Variants in PLXNA2 observed in about 807,000 individuals in gnomAD.
PLXNA2 encodes the protein plexin A2, also known as plexin-A2.
A neutral mutation model predicts 193.5 loss-of-function variants in PLXNA2; 91 were observed. The ratio of observed to expected loss-of-function variants is 0.47; its 90% CI spans 0.40 to 0.56. The LOEUF is 0.56. Ranked by LOEUF, PLXNA2 falls within the 20% of genes least tolerant of loss-of-function variation. PLXNA2 has a pLI of 0.00. For missense variants in PLXNA2, 1,995 were observed against 2,503.2 expected (o/e 0.80, Z 4.33); for synonymous variants, 997 against 1,027.3 (o/e 0.97, Z 0.56).
intron 7 of PLXNA2, 148 bp from the exon 8 acceptor site, chr1:208,096,273 C>G: frequency 1.5e-6 from 1 of 661,864 alleles, no homozygotes; most frequent in South Asian, 1.8e-5. Context: ...ATCGTCTCTT[C>G]TCCTCCCAAG....
chr1:208,088,021 T>C (rs1379945670), intron 9 of PLXNA2, among the ~76,000 whole-genome samples: 1 of 152,174 alleles, frequency 6.6e-6, no homozygotes, highest in East Asian at 1.9e-4. Context: ...AAGACTGTTG[T>C]TCACATTCTT....
chr1:208,110,100 G>A (rs1016691180), intron 4 of PLXNA2, among the ~76,000 whole-genome samples: 4 of 152,160 alleles, frequency 2.6e-5, no homozygotes, highest in Admixed American at 6.5e-5. Context: ...GAGAAATGTG[G>A]GCCAATGTTT....
intron 5 of PLXNA2, among the ~76,000 whole-genome samples, chr1:208,100,665 T>A (rs974573004): frequency 1.3e-5 from 2 of 152,228 alleles, no homozygotes; most frequent in African/African-American, 4.8e-5. Context: ...ACCTGTCACA[T>A]GGTATATTTT....
rs530562060 is a variant in PLXNA2, at chr1:208,028,659, C to T, written c.5438+171G>A. Among the ~76,000 whole-genome samples, 2 of 152,344 alleles carry T rather than the reference C, an allele frequency of 1.3e-5. No homozygotes were observed. The highest frequency in any genetic ancestry group is 1.9e-4 in the East Asian group (1 of 5,188). On this transcript the variant is annotated intron_variant, in intron 30 of 31. Transcript: ENST00000367033. The surrounding 1 kb of genome is among the most constrained non-coding windows in gnomAD (Gnocchi z 4.2). ...TAGGATGATAATCATCTGACTTCCACGGGCACAAAGCCACCCTTCCTCCCG... is the reference window on the plus strand; with the variant it reads ...TAGGATGATAATCATCTGACTTCCATGGGCACAAAGCCACCCTTCCTCCCG...
At chr1:208,113,198 A>G (rs1422574020) in intron 4 of PLXNA2, among the ~76,000 whole-genome samples, 2 of 152,122 alleles carry the variant, frequency 1.3e-5, no homozygotes, top group Non-Finnish European at 1.5e-5. Flanking sequence ...AGGTCCTACA[A>G]AGCTCCTTAT....
intron 12 of PLXNA2, among the ~76,000 whole-genome samples, chr1:208,068,365 T>G (rs1447259466): frequency 6.6e-6 from 1 of 152,196 alleles, no homozygotes; most frequent in African/African-American, 2.4e-5. Flanking sequence ...CAATCTCCCT[T>G]GCTTTAATTT....
intron 2 of PLXNA2, among the ~76,000 whole-genome samples, chr1:208,212,121 G>A (rs758190874): frequency 3.3e-5 from 5 of 152,158 alleles, no homozygotes; most frequent in East Asian, 3.9e-4. Flanking sequence ...AATGGCTATC[G>A]TAGAAATCAT....
intron 23 of PLXNA2, 105 bp downstream of exon 23, chr1:208,039,887 T>G: frequency 6.3e-7 from 1 of 1,581,588 alleles, no homozygotes; most frequent in Non-Finnish European, 8.7e-7. Context: ...CAGTCCAGGT[T>G]CCTGCTCCCG....
In PLXNA2 at chr1:208,022,933, T is replaced by C. The variant is rs1002604665; in HGVS notation, c.*4310A>G. The C allele has an allele frequency of 3.3e-5, 5 of 152,158 alleles. No homozygotes were observed. Among genetic ancestry groups the C allele is most frequent in the African/African-American group, 1.2e-4 (5 of 41,444 alleles). 9.4% of individuals were successfully genotyped at this position (152,158 alleles called of 1,614,324 possible). A position where few individuals can be genotyped will look rare whatever the true frequency, so the allele number is the denominator to read the frequency against. ...TGGCTGTGATCGTGTCTCAGGACTT[T>C]CCCTAGCACTAGTTAGAAAATACCA... On this transcript the variant is annotated 3_prime_UTR_variant, in exon 32 of 32. Transcript: ENST00000367033.
intron 9 of PLXNA2, among the ~76,000 whole-genome samples, chr1:208,086,125 G>A (rs897835462): frequency 1.3e-5 from 2 of 152,136 alleles, no homozygotes; most frequent in Admixed American, 1.3e-4. Flanking sequence ...TTGACACACA[G>A]AATTACAATT....
At chr1:208,224,366 T>A (rs1382785920) in intron 1 of PLXNA2, among the ~76,000 whole-genome samples, 1 of 38,786 alleles carries the variant, frequency 2.6e-5, no homozygotes, top group Non-Finnish European at 4.9e-5. Flanking sequence ...GGTGAGGGGG[T>A]GGGGAGCAGG....
At position 208,189,633 on chromosome 1, in the gene PLXNA2, T is replaced by C. The variant is rs556239243; in HGVS notation, c.1371+20647A>G. On this transcript the variant is annotated intron_variant, in intron 3 of 31. Transcript: ENST00000367033. ...ATGAACACAACTGACCTCACTTAAC[T>C]TTTGGAGCAACGCTGCAAGGTAGGT... 2.6e-5 allele frequency among the ~76,000 whole-genome samples: 4 copies of C among 152,296 alleles called. No homozygotes were observed. In the South Asian group the frequency reaches 8.3e-4, roughly 32 times the overall value.
At chr1:208,175,297 T>G (rs989846286) in intron 3 of PLXNA2, among the ~76,000 whole-genome samples, 2 of 152,176 alleles carry the variant, frequency 1.3e-5, no homozygotes, top group African/African-American at 2.4e-5. Context: ...ACATTCCAAC[T>G]GGGTCCACTC....
rs1363073822 is a variant in PLXNA2, at chr1:208,142,503, G to A, written c.1372-40C>T. The A allele has an allele frequency of 2.6e-6, 4 of 1,546,964 alleles. No individual in the cohort carries two copies. The East Asian group carries it at 6.9e-5, about 27-fold the overall frequency. On this transcript the variant is annotated intron_variant, in intron 3 of 31. Coordinates refer to ENST00000367033, the MANE Select transcript of PLXNA2 (RefSeq NM_025179.4). ...AGGGTGTCCTCAGCATCTGCCCTCA[G>A]TATTCCCCTGTGGGCTACCTGCCTC... is the stretch of plus-strand genomic sequence containing the variant.
chr1:208,028,664 A>G lies in PLXNA2; in HGVS notation c.5438+166T>C, dbSNP rs1664410707. Among the ~76,000 whole-genome samples the G allele has an allele frequency of 6.6e-6, 1 of 152,234 alleles. No homozygotes were observed. Among genetic ancestry groups the G allele is most frequent in the African/African-American group, 2.4e-5 (1 of 41,462 alleles). ...TGATAATCATCTGACTTCCACGGGC[A>G]CAAAGCCACCCTTCCTCCCGCAGCA... On this transcript the variant is annotated intron_variant, in intron 30 of 31. Coordinates refer to ENST00000367033, the MANE Select transcript of PLXNA2 (RefSeq NM_025179.4). The surrounding 1 kb of genome is among the most constrained non-coding windows in gnomAD (Gnocchi z 4.2).
rs1053220145 is a variant in PLXNA2, at chr1:208,038,637, A to C, written c.4661-163T>G. ...CTAGGGCTCCATGGGCCCAGGCAGCAGAGGAAACACGTAGACCTCCCCAGA... is the reference window on the plus strand; with the variant it reads ...CTAGGGCTCCATGGGCCCAGGCAGCCGAGGAAACACGTAGACCTCCCCAGA... On this transcript the variant is annotated intron_variant, in intron 25 of 31. Coordinates refer to ENST00000367033, the MANE Select transcript of PLXNA2 (RefSeq NM_025179.4). This position sits in a 1 kb window ranked among gnomAD's most constrained non-coding sequence, Gnocchi z 4.1. Among the ~76,000 whole-genome samples the C allele has an allele frequency of 6.6e-6, 1 of 152,232 alleles. No individual in the cohort carries two copies. Among genetic ancestry groups the C allele is most frequent in the African/African-American group, 2.4e-5 (1 of 41,468 alleles).
chr1:208,233,919 G>A (rs1394525596), intron 1 of PLXNA2, among the ~76,000 whole-genome samples: 1 of 152,188 alleles, frequency 6.6e-6, no homozygotes, highest in Non-Finnish European at 1.5e-5. Context: ...ACACCACACT[G>A]CGCAGCACCA....
Position 208,024,819 on chromosome 1 carries a change from C to A in PLXNA2, c.*2424G>T, listed in dbSNP as rs1408411520. 1 of 152,172 alleles carries A rather than the reference C, an allele frequency of 6.6e-6. No individual in the cohort carries two copies. Among genetic ancestry groups the A allele is most frequent in the African/African-American group, 2.4e-5 (1 of 41,450 alleles). The allele number at this position is 152,172 out of a possible 1,614,324, so 9.4% of individuals were successfully genotyped here. A position where few individuals can be genotyped will look rare whatever the true frequency, so the allele number is the denominator to read the frequency against. On this transcript the variant is annotated 3_prime_UTR_variant, in exon 32 of 32. Coordinates refer to ENST00000367033, the MANE Select transcript of PLXNA2 (RefSeq NM_025179.4). ...GATGCCAGTCTGAGCAGCCATGCGGCCAGAAAATCTTCACCCAAACAGAGC... is the reference window on the plus strand; with the variant it reads ...GATGCCAGTCTGAGCAGCCATGCGGACAGAAAATCTTCACCCAAACAGAGC...
Position 208,044,514 on chromosome 1 carries a change from T to G in PLXNA2, c.3868A>C (p.Lys1290Gln). 2 of 1,612,410 alleles carry G rather than the reference T, an allele frequency of 1.2e-6. No homozygotes were observed. The highest frequency in any genetic ancestry group is 1.7e-6 in the Non-Finnish European group (2 of 1,178,470). The change falls in exon 20 of 32, where the codon AAG becomes CAG. Residue 1290 changes from lysine to glutamine, a missense_variant. By Grantham distance (53) the Lys-to-Gln change is moderately conservative. Transcript: ENST00000367033. This position sits in a 1 kb window ranked among gnomAD's most constrained non-coding sequence, Gnocchi z 4.9. ...AGGGTGTGCTTCCACTAACCTTCCT[T>G]GCACTCCAAGGCCACACGGGACTCC... ...NLESRVALEC[K>Q]EAFAELQTDI...
Sources: gnomAD v4.1 joint callset for allele counts (sites outside exome capture counted in the v4.1 genomes callset) on GRCh38, gnomAD v4.1.1 for gene constraint, Gnocchi (gnomAD v3.1) non-coding constraint, MANE v1.5 for transcripts, NCBI Gene and HGNC (gene_info 2026-07-23, HGNC 2026-07-21) for gene names.